CCDC80: variants seen among roughly 807,000 people sequenced by gnomAD.
The protein encoded by CCDC80 is coiled-coil domain-containing protein 80.
A neutral mutation model predicts 78.7 loss-of-function variants in CCDC80; 49 were observed. The observed-to-expected ratio is 0.62, with a 90% CI of 0.50 to 0.79. The LOEUF is 0.79. Among genes scored for constraint, CCDC80 ranks in the 30% least tolerant of loss-of-function variants. The pLI, the probability that CCDC80 is intolerant of heterozygous loss-of-function variation, is 0.00. For synonymous variants in CCDC80, 488 were observed against 447.0 expected (o/e 1.09, Z -1.16); for missense variants, 1,205 against 1,198.6 (o/e 1.01, Z -0.08).
chr3:112,622,453 G>A, intron 3 of CCDC80, among the ~76,000 whole-genome samples: 1 of 152,152 alleles, frequency 6.6e-6, no homozygotes, highest in East Asian at 1.9e-4. Context: ...GCTACATCCT[G>A]TCTCAGCTCC....
intron 6 of CCDC80, among the ~76,000 whole-genome samples, chr3:112,608,028 C>A (rs547084694): frequency 1.3e-5 from 2 of 152,322 alleles, no homozygotes; most frequent in South Asian, 4.1e-4. Flanking sequence ...GACATTTAAG[C>A]AAGCACAGCT....
At chr3:112,621,090 C>G (rs1403333938) in intron 3 of CCDC80, among the ~76,000 whole-genome samples, 7 of 152,082 alleles carry the variant, frequency 4.6e-5, no homozygotes, top group Admixed American at 1.3e-4. Flanking sequence ...ATTCTTCCCC[C>G]CTCCCTATAG....
At position 112,639,932 on chromosome 3, in the gene CCDC80, A is replaced by C. The variant is rs749253323; in HGVS notation, c.-11-16T>G. 1 of 1,593,292 alleles carries C rather than the reference A, an allele frequency of 6.3e-7. No individual in the cohort carries two copies. Among genetic ancestry groups the C allele is most frequent in the South Asian group, 1.1e-5 (1 of 88,638 alleles). ...GTGTAATCCACTTTGCGATGCACGG[A>C]GGTCATAAAACAAAGGGGAGGGGGA... On this transcript the variant is annotated splice_polypyrimidine_tract_variant and intron_variant, in intron 1 of 7. Coordinates refer to ENST00000206423, the MANE Select transcript of CCDC80 (RefSeq NM_199511.3).
intron 3 of CCDC80, among the ~76,000 whole-genome samples, chr3:112,621,401 C>T (rs765460036): frequency 9.2e-5 from 14 of 152,292 alleles, no homozygotes; most frequent in Admixed American, 2.6e-4. Flanking sequence ...CCCCAGCATG[C>T]GTGCAAGCCC....
intron 3 of CCDC80, among the ~76,000 whole-genome samples, chr3:112,627,648 A>G (rs544133391): frequency 1.6e-4 from 25 of 152,374 alleles, no homozygotes; most frequent in Admixed American, 3.3e-4. Context: ...CCCATGGCTC[A>G]TGCCAATTCT....
In CCDC80 at chr3:112,639,026, C is replaced by A. The variant is rs1936278474; in HGVS notation, c.880G>T (p.Gly294Trp). 6.2e-7 allele frequency: 1 copy of A among 1,608,620 alleles called. No individual in the cohort carries two copies. Among genetic ancestry groups the A allele is most frequent in the Non-Finnish European group, 8.5e-7 (1 of 1,179,076 alleles). The part of the protein sequence containing the change: ...SGVEGQVVAE[G>W]NDGGGGAGRP... Reference sequence around the variant, plus strand: ...CCTGCTCCCCCTCCACCGTCATTCCCCTCCGCCACCACCTGGCCCTCTACA... The same window carrying A: ...CCTGCTCCCCCTCCACCGTCATTCCACTCCGCCACCACCTGGCCCTCTACA... Residue 294 changes from glycine to tryptophan, a missense_variant, in exon 2 of 8, where the codon GGG (glycine) becomes TGG (tryptophan). Physicochemically the swap from Gly to Trp is radical, Grantham distance 184. Coordinates refer to ENST00000206423, the MANE Select transcript of CCDC80 (RefSeq NM_199511.3).
At chr3:112,626,139 G>A (rs1935966374) in intron 3 of CCDC80, among the ~76,000 whole-genome samples, 4 of 152,156 alleles carry the variant, frequency 2.6e-5, no homozygotes, top group South Asian at 4.1e-4. Flanking sequence ...GCTTGATGTT[G>A]GAGGCAGCAA....
chr3:112,625,469 T>C (rs1372570649), intron 3 of CCDC80, among the ~76,000 whole-genome samples: 2 of 152,230 alleles, frequency 1.3e-5, no homozygotes, highest in Non-Finnish European at 2.9e-5. Context: ...TAGCTCTATG[T>C]ATGTGTGATA....
intron 2 of CCDC80, among the ~76,000 whole-genome samples, chr3:112,633,944 T>A (rs138750369): frequency 6.6e-6 from 1 of 152,354 alleles, no homozygotes; most frequent in Non-Finnish European, 1.5e-5. Flanking sequence ...AGGGCATGTA[T>A]CATGAATTTA....
intron 6 of CCDC80, among the ~76,000 whole-genome samples, chr3:112,607,709 C>A (rs1576779013): frequency 6.6e-6 from 1 of 152,134 alleles, no homozygotes; most frequent in Non-Finnish European, 1.5e-5. Context: ...TCACTTGAAC[C>A]CGGGAGGCGG....
At chr3:112,606,050 T>A (rs779489126) in intron 7 of CCDC80, among the ~76,000 whole-genome samples, 2 of 152,270 alleles carry the variant, frequency 1.3e-5, no homozygotes, top group Non-Finnish European at 2.9e-5. Context: ...GCAAGACTAA[T>A]TTCTTTAAAA....
intron 5 of CCDC80, among the ~76,000 whole-genome samples, chr3:112,611,644 C>CAACT (rs1935630969): frequency 6.6e-6 from 1 of 152,230 alleles, no homozygotes; most frequent in Non-Finnish European, 1.5e-5. Context: ...CTACTACCCT[C>CAACT]AGACACTGAT....
chr3:112,639,933 G>C lies in CCDC80; in HGVS notation c.-11-17C>G. On this transcript the variant is annotated splice_polypyrimidine_tract_variant and intron_variant, in intron 1 of 7. Transcript: ENST00000206423. Reference sequence around the variant, plus strand: ...TGTAATCCACTTTGCGATGCACGGAGGTCATAAAACAAAGGGGAGGGGGAA... The same window carrying C: ...TGTAATCCACTTTGCGATGCACGGACGTCATAAAACAAAGGGGAGGGGGAA... 1 of 1,592,482 alleles carries C rather than the reference G, an allele frequency of 6.3e-7. No homozygotes were observed. Among genetic ancestry groups the C allele is most frequent in the Non-Finnish European group, 8.6e-7 (1 of 1,166,978 alleles).
rs201947818 is a variant in CCDC80, at chr3:112,639,017, C to A, written c.889G>T (p.Gly297Cys). Residue 297 changes from glycine (G) to cysteine (C), a missense_variant, in exon 2 of 8, where the codon GGT (glycine) becomes TGT (cysteine). By Grantham distance (159) the Gly-to-Cys change is radical. Transcript: ENST00000206423. ...CTTGGCCTTCCTGCTCCCCCTCCACCGTCATTCCCCTCCGCCACCACCTGG... is the reference window on the plus strand; with the variant it reads ...CTTGGCCTTCCTGCTCCCCCTCCACAGTCATTCCCCTCCGCCACCACCTGG... ...EGQVVAEGND[G>C]GGGAGRPSLG... 1.4e-5 allele frequency: 23 copies of A among 1,611,134 alleles called. 1 individual carries two copies. The Admixed American group carries it at 1.7e-4, about 12-fold the overall frequency.
chr3:112,611,817 T>A lies in CCDC80; in HGVS notation c.2322-1736A>T, dbSNP rs142052413. On this transcript the variant is annotated intron_variant, in intron 5 of 7. Coordinates refer to ENST00000206423, the MANE Select transcript of CCDC80 (RefSeq NM_199511.3). The stretch of plus-strand genomic sequence containing the variant: ...CAGGGTGTTGGTGCACTCACAGAGC[T>A]GACAGCCAGTTAATTTTATTCATGG... Among the ~76,000 whole-genome samples, 6 of 152,328 alleles carry A rather than the reference T, an allele frequency of 3.9e-5. No homozygotes were observed. In the East Asian group the frequency reaches 1.2e-3, roughly 29 times the overall value.
At chr3:112,618,544 A>C (rs2107480236) in intron 4 of CCDC80, among the ~76,000 whole-genome samples, 1 of 151,824 alleles carries the variant, frequency 6.6e-6, no homozygotes, top group Non-Finnish European at 1.5e-5. Flanking sequence ...TAAAAAAAAA[A>C]CAACCCCAAA....
In CCDC80 at chr3:112,607,775, C is replaced by T. The variant is rs559964506; in HGVS notation, c.2426-519G>A. ...CACTCCAGCTTGGGTGACAGAGACT[C>T]GGTCTCAAAAAAAAGAAAAGATGAA... On this transcript the variant is annotated intron_variant, in intron 6 of 7. Coordinates refer to ENST00000206423, the MANE Select transcript of CCDC80 (RefSeq NM_199511.3). Among the ~76,000 whole-genome samples the T allele has an allele frequency of 1.4e-4, 22 of 151,842 alleles. No homozygotes were observed. The South Asian group carries it at 3.1e-3, about 22-fold the overall frequency.
chr3:112,616,582 G>T, intron 5 of CCDC80, 128 bp downstream of exon 5: 1 of 1,036,822 alleles, frequency 9.6e-7, no homozygotes, highest in Non-Finnish European at 1.4e-6. Flanking sequence ...CCAGAGATGG[G>T]TAGGTTTTTC....
chr3:112,610,051 G>A lies in CCDC80; in HGVS notation c.2352C>T (p.Ile784=). 1 of 1,613,784 alleles carries A rather than the reference G, an allele frequency of 6.2e-7. No individual in the cohort carries two copies. The highest frequency in any genetic ancestry group is 8.5e-7 in the Non-Finnish European group (1 of 1,179,966). Residue 784 remains isoleucine, a synonymous_variant, in exon 6 of 8, where the codon ATC becomes ATT. Coordinates refer to ENST00000206423, the MANE Select transcript of CCDC80 (RefSeq NM_199511.3). ...CCCAGTCTTCATCGTTAGGAGCAGA[G>A]ATCACCAGCAACCTCCTCCTCCACC... ...RFRWRRRLLV[I]SAPNDEDWAY...
Sources: allele counts gnomAD v4.1 joint callset (sites outside exome capture counted in the v4.1 genomes callset), GRCh38; gene constraint gnomAD v4.1.1; transcripts MANE v1.5; gene names NCBI Gene and HGNC (gene_info 2026-07-23, HGNC 2026-07-21).